Variants in PMF1 observed in about 807,000 individuals in gnomAD.
PMF1 encodes the protein polyamine modulated factor 1.
In PMF1, 21 loss-of-function variants were observed where a neutral mutation model predicts 26.7. The observed-to-expected ratio is 0.79, with a 90% CI of 0.56 to 1.13. The LOEUF (loss-of-function observed/expected upper bound fraction) is 1.13, where lower values mean the gene tolerates loss of function less well. Ranked by LOEUF, PMF1 falls within the 50% of genes most tolerant of loss-of-function variation. PMF1 has a pLI of 0.00. For synonymous variants in PMF1, 105 were observed against 101.0 expected, an observed-to-expected ratio of 1.04 and a Z score of -0.24; for missense variants, 266 against 254.9, an observed-to-expected ratio of 1.04 and a Z score of -0.30.
chr1:156,228,722 T>G (rs1658526997), intron 1 of PMF1, among the ~76,000 whole-genome samples: 1 of 152,146 alleles, frequency 6.6e-6, no homozygotes, highest in East Asian at 1.9e-4. Context: ...AAGCCAAACC[T>G]GTTTTAAGCC....
rs1048068155 is a variant in PMF1, at chr1:156,236,274, G to A, written c.369-14G>A. ...CCGCCTCCTTCATTCCTTGTGCCCC[G>A]TGTGGCCCTCCAGGCGCCCCAGCGG... On this transcript the variant is annotated splice_polypyrimidine_tract_variant and intron_variant, in intron 3 of 4. Coordinates refer to ENST00000368277, the MANE Select transcript of PMF1 (RefSeq NM_007221.4). 1.6e-5 allele frequency: 25 copies of A among 1,599,970 alleles called. No individual in the cohort carries two copies. Among genetic ancestry groups the A allele is most frequent in the Admixed American group, 5.0e-5 (3 of 59,584 alleles).
intron 1 of PMF1, among the ~76,000 whole-genome samples, chr1:156,226,214 C>G (rs1189570016): frequency 6.6e-6 from 1 of 152,114 alleles, no homozygotes; most frequent in Non-Finnish European, 1.5e-5. Flanking sequence ...CTATGTTGCC[C>G]AGGCTGATCT....
chr1:156,225,358 G>A (rs1000233679), intron 1 of PMF1, among the ~76,000 whole-genome samples: 1 of 131,534 alleles, frequency 7.6e-6, no homozygotes, highest in East Asian at 2.5e-4. Flanking sequence ...ACATGGATAA[G>A]TTCTTTAGCG....
chr1:156,222,560 G>T (rs2006302), intron 1 of PMF1, among the ~76,000 whole-genome samples: 38,661 of 151,914 alleles, frequency 0.25, 5,235 homozygotes, highest in Non-Finnish European at 0.28. Context: ...TTTTGTATTT[G>T]TAGTAGAGAT....
At chr1:156,227,464 T>TTTC in intron 1 of PMF1, among the ~76,000 whole-genome samples, 1 of 150,642 alleles carries the variant, frequency 6.6e-6, no homozygotes, top group East Asian at 2.0e-4. Flanking sequence ...AGATTTAAAA[T>TTTC]TTCTTTTAAT....
intron 1 of PMF1, among the ~76,000 whole-genome samples, chr1:156,229,252 A>G (rs1658560680): frequency 6.6e-6 from 1 of 152,076 alleles, no homozygotes; most frequent in African/African-American, 2.4e-5. Context: ...TCCAAGGTGT[A>G]CTCACATGGA....
intron 1 of PMF1, among the ~76,000 whole-genome samples, chr1:156,215,320 G>A (rs923188168): frequency 2.0e-5 from 3 of 152,140 alleles, no homozygotes; most frequent in Admixed American, 6.5e-5. Context: ...ATGAGATGAG[G>A]CTGGAGAGGC....
At chr1:156,238,226 T>C (rs1473620265) in intron 4 of PMF1, among the ~76,000 whole-genome samples, 1 of 152,254 alleles carries the variant, frequency 6.6e-6, no homozygotes, top group African/African-American at 2.4e-5. Context: ...TCCAGCTTTG[T>C]TCTTTGTGCT....
At chr1:156,223,728 C>T (rs1469941395) in intron 1 of PMF1, 4 of 152,378 alleles carry the variant, frequency 2.6e-5, no homozygotes, top group African/African-American at 7.2e-5. Context: ...GAACTTAGTC[C>T]ATGCTGCTCT....
rs1340308597 is a variant in PMF1 at position 156,239,893 on chromosome 1, C to G, written c.*292C>G. ...TCAGGTCAGCTCTGCCCCTCCGCCC[C>G]CCTCCTGCTGGTTCCCCAGCCCTTT... On this transcript the variant is annotated 3_prime_UTR_variant, in exon 5 of 5. Transcript: ENST00000368277. 2 of 385,218 alleles carry G rather than the reference C, an allele frequency of 5.2e-6. No homozygotes were observed. The highest frequency in any genetic ancestry group is 6.8e-4 in the Middle Eastern group (1 of 1,476). The allele number at this position is 385,218 out of a possible 1,614,324, so 23.9% of individuals were successfully genotyped here. A position where few individuals can be genotyped will look rare whatever the true frequency, so the allele number is the denominator to read the frequency against.
chr1:156,219,789 G>T (rs951264141), intron 1 of PMF1, among the ~76,000 whole-genome samples: 1 of 151,692 alleles, frequency 6.6e-6, no homozygotes, highest in Non-Finnish European at 1.5e-5. Flanking sequence ...ATGCTCTGTC[G>T]CCCAGACCGG....
At chr1:156,227,840 A>G (rs1011960398) in intron 1 of PMF1, among the ~76,000 whole-genome samples, 1 of 151,556 alleles carries the variant, frequency 6.6e-6, no homozygotes, top group Non-Finnish European at 1.5e-5. Context: ...TGTGTTGCAC[A>G]GGCTGGTCTC....
At chr1:156,233,603 C>T in intron 2 of PMF1, 25 bp from the exon 3 acceptor site, 1 of 1,610,746 alleles carries the variant, frequency 6.2e-7, no homozygotes, top group Non-Finnish European at 8.5e-7. Flanking sequence ...CGTGTCATTA[C>T]AGCTCTTTCC....
intron 1 of PMF1, among the ~76,000 whole-genome samples, chr1:156,228,789 G>A (rs1174219335): frequency 6.6e-6 from 1 of 152,176 alleles, no homozygotes; most frequent in East Asian, 1.9e-4. Context: ...GTTCCTCCAC[G>A]TTCCTCCTGG....
intron 3 of PMF1, among the ~76,000 whole-genome samples, chr1:156,235,592 A>C (rs2736611): frequency 0.4 from 59,671 of 150,320 alleles, 12,331 homozygotes; most frequent in African/African-American, 0.52. Context: ...CAGGCACCCA[A>C]CACCATGCCC....
rs1205012157 is a variant in PMF1, at chr1:156,239,898, C to G, written c.*297C>G. 2.6e-6 allele frequency: 1 copy of G among 381,910 alleles called. No individual in the cohort carries two copies. The allele number at this position is 381,910 out of a possible 1,614,324, so 23.7% of individuals were successfully genotyped here. On this transcript the variant is annotated 3_prime_UTR_variant, in exon 5 of 5. Transcript: ENST00000368277. Reference sequence around the variant, plus strand: ...TCAGCTCTGCCCCTCCGCCCCCCTCCTGCTGGTTCCCCAGCCCTTTTCCCT... The same window carrying G: ...TCAGCTCTGCCCCTCCGCCCCCCTCGTGCTGGTTCCCCAGCCCTTTTCCCT...
intron 4 of PMF1, among the ~76,000 whole-genome samples, chr1:156,237,672 C>T (rs988592227): frequency 1.3e-5 from 2 of 151,768 alleles, no homozygotes; most frequent in Non-Finnish European, 2.9e-5. Flanking sequence ...GTCTCAAACT[C>T]CTGGGCTCAA....
At chr1:156,225,539 TGTTTG>T (rs1307424926) in intron 1 of PMF1, 1 of 1,437,174 alleles carries the variant, frequency 7.0e-7, no homozygotes, top group Non-Finnish European at 9.6e-7. Context: ...GTTCTCAGCC[TGTTTG>T]TTTTGTTCTC....
At chr1:156,225,687 T>A (rs758301546) in intron 1 of PMF1, 2 of 1,356,118 alleles carry the variant, frequency 1.5e-6, no homozygotes, top group East Asian at 5.0e-5. Flanking sequence ...TGGCTCCTTT[T>A]TTGGCTCCCT....
Sources: allele counts gnomAD v4.1 joint callset (sites outside exome capture counted in the v4.1 genomes callset), GRCh38; gene constraint gnomAD v4.1.1; transcripts MANE v1.5; gene names NCBI Gene and HGNC (gene_info 2026-07-23, HGNC 2026-07-21).